XXYLT1: variants seen among roughly 807,000 people sequenced by gnomAD.
XXYLT1 encodes the protein UDP-xylose:alpha-xyloside alpha-1,3-xylosyltransferase.
In XXYLT1, 20 loss-of-function variants were observed where a neutral mutation model predicts 28.9. That is an observed-to-expected ratio of 0.69 (90% confidence interval 0.49 to 1.00). The LOEUF (loss-of-function observed/expected upper bound fraction) is 1.00, where lower values mean the gene tolerates loss of function less well. Among genes scored for constraint, XXYLT1 ranks in the 50% least tolerant of loss-of-function variants. The pLI is 0.00. For missense variants in XXYLT1, 542 were observed against 560.1 expected (o/e 0.97, Z 0.33); for synonymous variants, 257 against 253.8 (o/e 1.01, Z -0.12).
intron 2 of XXYLT1, among the ~76,000 whole-genome samples, chr3:195,182,650 G>A (rs754389713): frequency 6.6e-6 from 1 of 152,140 alleles, no homozygotes; most frequent in Admixed American, 6.5e-5. Flanking sequence ...GCAATAAGCC[G>A]AGGTCTGCTT....
chr3:195,110,337 A>ATGCGTGTGTGTGGGGGTGAGG (rs1577039326), intron 3 of XXYLT1, among the ~76,000 whole-genome samples: 1 of 2,198 alleles, frequency 4.5e-4, no homozygotes, highest in Non-Finnish European at 1.7e-3. Flanking sequence ...AGGTGTGTGT[A>ATGCGTGTGTGTGGGGGTGAGG]TGTGTGTGGT....
chr3:195,085,671 G>A (rs757904933), intron 3 of XXYLT1, among the ~76,000 whole-genome samples: 1 of 152,232 alleles, frequency 6.6e-6, no homozygotes, highest in Non-Finnish European at 1.5e-5. Context: ...TCCTAGTAGA[G>A]TTCCAGACTG....
intron 2 of XXYLT1, chr3:195,175,902 A>C: frequency 7.1e-7 from 1 of 1,413,008 alleles, no homozygotes. Context: ...AAAGAAAAAA[A>C]AAAATTATGT....
chr3:195,248,689 G>C (rs993281472), intron 1 of XXYLT1, among the ~76,000 whole-genome samples: 1 of 152,110 alleles, frequency 6.6e-6, no homozygotes, highest in African/African-American at 2.4e-5. Flanking sequence ...AGGCCAAGGC[G>C]GGTGGATAAC....
intron 1 of XXYLT1, among the ~76,000 whole-genome samples, chr3:195,245,966 T>C (rs2108832522): frequency 6.6e-6 from 1 of 152,278 alleles, no homozygotes; most frequent in Non-Finnish European, 1.5e-5. Flanking sequence ...ATGAGCCAAT[T>C]ACACCTCTTT....
At chr3:195,170,811 G>A (rs1451621313) in intron 2 of XXYLT1, among the ~76,000 whole-genome samples, 1 of 152,136 alleles carries the variant, frequency 6.6e-6, no homozygotes, top group African/African-American at 2.4e-5. Context: ...GCGAGGCCAA[G>A]GCAGGAGGAT....
chr3:195,181,643 G>A (rs887188134), intron 2 of XXYLT1, among the ~76,000 whole-genome samples: 2 of 152,136 alleles, frequency 1.3e-5, no homozygotes, highest in African/African-American at 4.8e-5. Flanking sequence ...AATGTATCCA[G>A]CCATGTGCTG....
chr3:195,106,690 G>A (rs6650885), intron 3 of XXYLT1, among the ~76,000 whole-genome samples: 21 of 152,244 alleles, frequency 1.4e-4, no homozygotes, highest in Admixed American at 1.4e-3. Flanking sequence ...AAGCTGGGGT[G>A]GGGGGCTGGC....
intron 3 of XXYLT1, among the ~76,000 whole-genome samples, chr3:195,110,312 G>GCATGTC (rs1560100741): frequency 0.029 from 95 of 3,250 alleles, 2 homozygotes; most frequent in Middle Eastern, 0.25. Flanking sequence ...GTATATGTGT[G>GCATGTC]TGTGGGTGAG....
intron 3 of XXYLT1, chr3:195,153,895 A>G (rs4677818): frequency 0.33 from 49,579 of 152,198 alleles, 9,386 homozygotes; most frequent in East Asian, 0.68. Flanking sequence ...ACCAGCAGAC[A>G]GGCAACTTCC....
rs572605148 is a variant in XXYLT1, at chr3:195,096,247, C to T, written c.786-26136G>A. Among the ~76,000 whole-genome samples the T allele has an allele frequency of 3.3e-5, 5 of 152,240 alleles. No homozygotes were observed. In the South Asian group the frequency reaches 1.0e-3, roughly 32 times the overall value. On this transcript the variant is annotated intron_variant, in intron 3 of 3. Coordinates refer to ENST00000310380, the MANE Select transcript of XXYLT1 (RefSeq NM_152531.5). ...GCCACCTAGGGGAGATTGGAGGGTC[C>T]CTCTAGCATGGCTGCAGCCCATGCA... is the stretch of plus-strand genomic sequence containing the variant.
intron 3 of XXYLT1, among the ~76,000 whole-genome samples, chr3:195,079,328 G>A (rs1029288954): frequency 2.0e-4 from 30 of 152,150 alleles, no homozygotes; most frequent in African/African-American, 7.0e-4. Context: ...AGAGGACAGA[G>A]GGGAGGATAT....
At position 195,270,872 on chromosome 3, in the gene XXYLT1, G is replaced by C. The variant is rs1217912148; in HGVS notation, c.187C>G (p.Pro63Ala). The change falls in exon 1 of 4, where the codon CCC becomes GCC. Residue 63 changes from proline (P) to alanine (A), a missense_variant. Coordinates refer to ENST00000310380, the MANE Select transcript of XXYLT1 (RefSeq NM_152531.5). ...AGCGCGGGCGGCGAGGGCGCGGCGG[G>C]AGCCCCGGCGCGGGCCTCCTTCAGC... ...KRLKEARAGA[P>A]AAPSPPALEL... The C allele has an allele frequency of 1.4e-5, 20 of 1,408,638 alleles. No individual in the cohort carries two copies. The highest frequency in any genetic ancestry group is 1.8e-5 in the Non-Finnish European group (20 of 1,085,934). 87.3% of individuals were successfully genotyped at this position (1,408,638 alleles called of 1,614,324 possible). A position where few individuals can be genotyped will look rare whatever the true frequency, so the allele number is the denominator to read the frequency against.
In XXYLT1 at chr3:195,078,362, C is replaced by T. The variant is rs1715241898; in HGVS notation, c.786-8251G>A. On this transcript the variant is annotated intron_variant, in intron 3 of 3. Coordinates refer to ENST00000310380, the MANE Select transcript of XXYLT1 (RefSeq NM_152531.5). This position sits in a 1 kb window ranked among gnomAD's most constrained non-coding sequence, Gnocchi z 5.0. ...CCCTCACACTGACAGCCGAGAGGCC[C>T]GTAGCGAGTCAGGCCATGGGGGCCT... Among the ~76,000 whole-genome samples the T allele has an allele frequency of 6.6e-6, 1 of 152,062 alleles. No homozygotes were observed. Among genetic ancestry groups the T allele is most frequent in the South Asian group, 2.1e-4 (1 of 4,818 alleles).
At chr3:195,225,175 C>T (rs1388531957) in intron 2 of XXYLT1, among the ~76,000 whole-genome samples, 2 of 152,186 alleles carry the variant, frequency 1.3e-5, no homozygotes, top group Non-Finnish European at 2.9e-5. Context: ...CAGAGCTGCA[C>T]CTGGGTCACT....
At chr3:195,175,042 T>C (rs539169970) in intron 2 of XXYLT1, among the ~76,000 whole-genome samples, 16 of 152,156 alleles carry the variant, frequency 1.1e-4, no homozygotes, top group Non-Finnish European at 2.1e-4. Context: ...AAGGAGGAAA[T>C]ACAAGACTCA....
intron 2 of XXYLT1, among the ~76,000 whole-genome samples, chr3:195,160,219 G>A (rs1720804807): frequency 6.6e-6 from 1 of 152,150 alleles, no homozygotes; most frequent in Admixed American, 6.5e-5. Context: ...ATCAAGAAAC[G>A]ATGCAAAGAA....
rs1560138408 is a variant in XXYLT1 at position 195,180,701 on chromosome 3, C to A, written c.653-24120G>T. Among the ~76,000 whole-genome samples the A allele has an allele frequency of 6.6e-6, 1 of 152,140 alleles. No individual in the cohort carries two copies. Among genetic ancestry groups the A allele is most frequent in the South Asian group, 2.1e-4 (1 of 4,826 alleles). On this transcript the variant is annotated intron_variant, in intron 2 of 3. Coordinates refer to ENST00000310380, the MANE Select transcript of XXYLT1 (RefSeq NM_152531.5). The surrounding 1 kb of genome is among the most constrained non-coding windows in gnomAD (Gnocchi z 5.8). ...TGGGTCTGACAGCTCTGGACACACA[C>A]AAGCAGACGGGAAAGGCGCCTGCCC...
intron 3 of XXYLT1, among the ~76,000 whole-genome samples, chr3:195,074,191 C>T (rs932121642): frequency 3.9e-5 from 6 of 152,230 alleles, no homozygotes; most frequent in Non-Finnish European, 5.9e-5. Flanking sequence ...GGGCTGTCTG[C>T]ACAAGACTCT....
Sources: allele counts gnomAD v4.1 joint callset (sites outside exome capture counted in the v4.1 genomes callset), GRCh38; gene constraint gnomAD v4.1.1; non-coding constraint Gnocchi (gnomAD v3.1); transcripts MANE v1.5; gene names NCBI Gene and HGNC (gene_info 2026-07-23, HGNC 2026-07-21).